Variants in FMNL2 observed in about 807,000 individuals in gnomAD.
FMNL2 encodes formin like 2.
FMNL2 carries 51 observed loss-of-function variants against 130.2 expected under a neutral mutation model. That is an observed-to-expected ratio of 0.39 (90% CI 0.31 to 0.49). FMNL2 has a LOEUF of 0.49. Among genes scored for constraint, FMNL2 ranks in the 20% least tolerant of loss-of-function variants. The pLI is 0.85. For missense variants in FMNL2, 977 were observed against 1,316.2 expected, an observed-to-expected ratio of 0.74 and a Z score of 3.99; for synonymous variants, 465 against 467.1, an observed-to-expected ratio of 1.00 and a Z score of 0.06.
chr2:152,481,287 A>G (rs1375671027), intron 1 of FMNL2, among the ~76,000 whole-genome samples: 5 of 152,224 alleles, frequency 3.3e-5, no homozygotes, highest in Non-Finnish European at 7.3e-5. Context: ...CATTTAATTG[A>G]AACTATCCAG....
At chr2:152,491,844 G>C (rs554589021) in intron 1 of FMNL2, among the ~76,000 whole-genome samples, 1 of 152,042 alleles carries the variant, frequency 6.6e-6, no homozygotes, top group East Asian at 1.9e-4. Context: ...CCAGCTACTC[G>C]GGGGGTTGAG....
chr2:152,509,514 A>T (rs1181167440), intron 1 of FMNL2, among the ~76,000 whole-genome samples: 5 of 152,026 alleles, frequency 3.3e-5, no homozygotes, highest in Admixed American at 6.6e-5. Flanking sequence ...TTGGATAAAA[A>T]GTGTACACAT....
chr2:152,537,069 G>C (rs1490136097), intron 2 of FMNL2, among the ~76,000 whole-genome samples: 4 of 152,296 alleles, frequency 2.6e-5, no homozygotes, highest in African/African-American at 9.6e-5. Flanking sequence ...GAAAGAGGAG[G>C]AGGACATGTA....
At chr2:152,475,975 A>G (rs1025040580) in intron 1 of FMNL2, among the ~76,000 whole-genome samples, 1 of 152,256 alleles carries the variant, frequency 6.6e-6, no homozygotes, top group Non-Finnish European at 1.5e-5. Flanking sequence ...CTGCTCCATC[A>G]TAGATTTAGC....
chr2:152,436,154 C>T (rs576847677), intron 1 of FMNL2, among the ~76,000 whole-genome samples: 5 of 152,020 alleles, frequency 3.3e-5, no homozygotes, highest in African/African-American at 1.2e-4. Context: ...TTCCTCACCC[C>T]ATTGCTTTTT....
In FMNL2 at chr2:152,620,954, T is replaced by C. The variant is rs934190448; in HGVS notation, c.1837+1236T>C. ...TCAAGATCTTCCCCGTCTACCACTT[T>C]CTTCTAGAACTTTTATTACTTCTGA... is the stretch of plus-strand genomic sequence containing the variant. On this transcript the variant is annotated intron_variant, in intron 15 of 25. Coordinates refer to ENST00000288670, the MANE Select transcript of FMNL2 (RefSeq NM_052905.4). 6.1e-6 allele frequency: 6 copies of C among 985,340 alleles called. No individual in the cohort carries two copies. In the Admixed American group the frequency reaches 1.8e-4, roughly 30 times the overall value. The allele number at this position is 985,340 out of a possible 1,614,324, so 61.0% of individuals were successfully genotyped here. A position where few individuals can be genotyped will look rare whatever the true frequency, so the allele number is the denominator to read the frequency against.
chr2:152,440,369 C>A (rs573042634), intron 1 of FMNL2, among the ~76,000 whole-genome samples: 6 of 152,308 alleles, frequency 3.9e-5, no homozygotes, highest in Admixed American at 1.3e-4. Context: ...TGACTTTATG[C>A]TTGCAAAAAA....
chr2:152,515,271 T>G (rs1185196034), intron 1 of FMNL2, among the ~76,000 whole-genome samples: 1 of 152,214 alleles, frequency 6.6e-6, no homozygotes, highest in Non-Finnish European at 1.5e-5. Context: ...TGTATTCATC[T>G]TCTTTCCTTC....
chr2:152,541,217 C>T (rs1694295312), intron 2 of FMNL2, among the ~76,000 whole-genome samples: 1 of 151,934 alleles, frequency 6.6e-6, no homozygotes, highest in Non-Finnish European at 1.5e-5. Context: ...AGTGCAGTGG[C>T]ACGATCAGGG....
chr2:152,446,945 G>T (rs1376839428), intron 1 of FMNL2, among the ~76,000 whole-genome samples: 1 of 151,958 alleles, frequency 6.6e-6, no homozygotes, highest in Non-Finnish European at 1.5e-5. Flanking sequence ...AGGGAAGGAA[G>T]TGGTAAGTCA....
rs148471425 is a variant in FMNL2, at chr2:152,631,220, T to C, written c.2551-788T>C. Among the ~76,000 whole-genome samples, 796 of 151,628 alleles carry C rather than the reference T, an allele frequency of 5.2e-3. 1 individual carries two copies. The highest frequency in any genetic ancestry group is 0.018 in the African/African-American group (762 of 41,330). ...GGCCAACATGGCGAAACCCTGTCTC[T>C]ACTAAAAATAGGAAAATTAGCTGGG... is the stretch of plus-strand genomic sequence containing the variant. On this transcript the variant is annotated intron_variant, in intron 20 of 25. Coordinates refer to ENST00000288670, the MANE Select transcript of FMNL2 (RefSeq NM_052905.4).
At chr2:152,624,197 A>G (rs74195394) in intron 15 of FMNL2, among the ~76,000 whole-genome samples, 22,416 of 145,314 alleles carry the variant, frequency 0.15, 1,823 homozygotes, top group Middle Eastern at 0.26. Flanking sequence ...CGCTCTTGTT[A>G]CCCAGGCTAG....
chr2:152,597,933 G>A (rs1358290169), intron 9 of FMNL2, among the ~76,000 whole-genome samples: 2 of 152,234 alleles, frequency 1.3e-5, no homozygotes, highest in Non-Finnish European at 2.9e-5. Flanking sequence ...TAGAAGGGTT[G>A]GGAAATGAGA....
intron 1 of FMNL2, among the ~76,000 whole-genome samples, chr2:152,443,006 G>T (rs183011006): frequency 4.9e-4 from 74 of 152,316 alleles, no homozygotes; most frequent in African/African-American, 1.8e-3. Context: ...GCATTTGTGG[G>T]TGGTTGGGCA....
intron 4 of FMNL2, 63 bp from the exon 5 acceptor site, chr2:152,558,677 C>A: frequency 6.9e-7 from 1 of 1,453,734 alleles, no homozygotes; most frequent in Non-Finnish European, 9.5e-7. Context: ...TGCATTGTGT[C>A]CGTTCCATGG....
At chr2:152,603,746 A>G (rs1027617313) in intron 9 of FMNL2, among the ~76,000 whole-genome samples, 3 of 150,986 alleles carry the variant, frequency 2.0e-5, no homozygotes. Context: ...TTACCTTATT[A>G]TTCATTGCAC....
chr2:152,626,725 T>A lies in FMNL2; in HGVS notation c.2163T>A (p.His721Gln), dbSNP rs368512957. 4 of 1,605,490 alleles carry A rather than the reference T, an allele frequency of 2.5e-6. No homozygotes were observed. Among genetic ancestry groups the A allele is most frequent in the Non-Finnish European group, 2.6e-6 (3 of 1,176,038 alleles). Residue 721 changes from histidine to glutamine, a missense_variant and splice_region_variant, in exon 17 of 26, where the codon CAT becomes CAA. Transcript: ENST00000288670. ...CTGATGAAATATGTAAAGCTATTCA[T>A]GTGTAAGTTCAGGAAAATTATATTC... ...KTADEICKAI[H>Q]VFDLKTLPVD...
chr2:152,562,793 G>A (rs1695601873), intron 6 of FMNL2, among the ~76,000 whole-genome samples: 1 of 152,116 alleles, frequency 6.6e-6, no homozygotes. Flanking sequence ...GGAAATTCAG[G>A]ATGAATTTCC....
At chr2:152,621,862 A>G (rs1022448798) in intron 15 of FMNL2, among the ~76,000 whole-genome samples, 2 of 152,180 alleles carry the variant, frequency 1.3e-5, no homozygotes, top group Non-Finnish European at 2.9e-5. Flanking sequence ...CTGAGCTAAT[A>G]TTCTGAAGCC....
Sources: gnomAD v4.1 joint callset for allele counts (sites outside exome capture counted in the v4.1 genomes callset) on GRCh38, gnomAD v4.1.1 for gene constraint, MANE v1.5 for transcripts, NCBI Gene and HGNC (gene_info 2026-07-23, HGNC 2026-07-21) for gene names.